POC1B: variants seen among roughly 807,000 people sequenced by gnomAD.
The protein encoded by POC1B is POC1 centriolar protein homolog B.
Under a neutral mutation model 60.6 loss-of-function variants are expected in POC1B, and 44 were observed. That is an observed-to-expected ratio of 0.73 (90% CI 0.57 to 0.93). The LOEUF (loss-of-function observed/expected upper bound fraction) is 0.93, where lower values mean the gene tolerates loss of function less well. POC1B is among the 40% of genes least tolerant of loss of function. POC1B has a pLI of 0.00. For synonymous variants in POC1B, 180 were observed against 198.9 expected (o/e 0.90, Z 0.80); for missense variants, 555 against 572.3 (o/e 0.97, Z 0.31).
At chr12:89,414,659 T>C in the POC1B span, among the ~76,000 whole-genome samples, 3 of 152,254 alleles carry the variant, frequency 2.0e-5, no homozygotes, top group Non-Finnish European at 4.4e-5. Flanking sequence ...ATCAATTATA[T>C]AATTTCACTT....
chr12:89,470,482 C>A lies in POC1B; in HGVS notation c.689G>T (p.Gly230Val). The A allele has an allele frequency of 6.2e-7, 1 of 1,604,982 alleles. No individual in the cohort carries two copies. The highest frequency in any genetic ancestry group is 8.5e-7 in the Non-Finnish European group (1 of 1,173,816). ...LLQHYQVHSG[G>V]VNCISFHPSG... Reference sequence around the variant, plus strand: ...AGGATGGAATGATATGCAATTAACTCCACCGCTGTGAACTGATTTGTAGAA... The same window carrying A: ...AGGATGGAATGATATGCAATTAACTACACCGCTGTGAACTGATTTGTAGAA... The change falls in exon 7 of 12, where the codon GGA becomes GTA. Residue 230 changes from glycine to valine, a missense_variant. By Grantham distance (109) the Gly-to-Val change is moderately radical. Transcript: ENST00000313546.
In POC1B at chr12:89,489,376, A is replaced by G. The variant is rs563759326; in HGVS notation, c.452+2560T>C. Reference sequence around the variant, plus strand: ...AGTAGTGGGGTTGGAATTTTAACCTACAAATTTAGGTCCAGGGTCCATGTT... The same window carrying G: ...AGTAGTGGGGTTGGAATTTTAACCTGCAAATTTAGGTCCAGGGTCCATGTT... On this transcript the variant is annotated intron_variant, in intron 4 of 11. Transcript: ENST00000313546. 3.9e-5 allele frequency among the ~76,000 whole-genome samples: 6 copies of G among 152,324 alleles called. No homozygotes were observed. In the South Asian group the frequency reaches 1.2e-3, roughly 32 times the overall value.
At chr12:89,442,250 G>C (rs1357699218) in intron 10 of POC1B, among the ~76,000 whole-genome samples, 1 of 152,144 alleles carries the variant, frequency 6.6e-6, no homozygotes, top group Non-Finnish European at 1.5e-5. Context: ...AGGAAATACA[G>C]AGAACGCCAC....
At chr12:89,418,427 C>T (rs984769030), downstream of POC1B, among the ~76,000 whole-genome samples, 1 of 152,164 alleles carries the variant, frequency 6.6e-6, no homozygotes, top group Non-Finnish European at 1.5e-5. Context: ...GAGCCACGTG[C>T]TTTGACTCAG....
chr12:89,501,741 A>G (rs1198398509), intron 2 of POC1B: 1 of 924,732 alleles, frequency 1.1e-6, no homozygotes, highest in South Asian at 1.3e-5. Flanking sequence ...ATTCTTCAAT[A>G]AGAAATGAAT....
chr12:89,516,747 C>T (rs1260109948), intron 2 of POC1B, among the ~76,000 whole-genome samples: 3 of 152,190 alleles, frequency 2.0e-5, no homozygotes, highest in Non-Finnish European at 4.4e-5. Context: ...CCGGGCCACA[C>T]TCTCTCCAAA....
intron 2 of POC1B, among the ~76,000 whole-genome samples, chr12:89,499,681 A>G (rs1869447910): frequency 6.6e-6 from 1 of 152,210 alleles, no homozygotes; most frequent in African/African-American, 2.4e-5. Context: ...AAAAAATAAA[A>G]CAATTGTGGT....
At chr12:89,502,445 C>T (rs1300884921) in intron 2 of POC1B, 9 of 1,265,482 alleles carry the variant, frequency 7.1e-6, no homozygotes, top group Non-Finnish European at 9.2e-6. Context: ...AAAATATCGT[C>T]TAAAAGGAAG....
chr12:89,408,485 G>GT, the POC1B span, among the ~76,000 whole-genome samples: 2 of 147,688 alleles, frequency 1.4e-5, no homozygotes, highest in Non-Finnish European at 3.0e-5. Flanking sequence ...CCTGACTTCT[G>GT]GTTTTTTTTT....
At chr12:89,499,100 G>C (rs1869406397) in intron 2 of POC1B, among the ~76,000 whole-genome samples, 1 of 152,096 alleles carries the variant, frequency 6.6e-6, no homozygotes, top group African/African-American at 2.4e-5. Flanking sequence ...ATGACAAGGA[G>C]GTCAGCGTTT....
the POC1B span, among the ~76,000 whole-genome samples, chr12:89,404,721 T>C: frequency 6.6e-6 from 1 of 152,174 alleles, no homozygotes; most frequent in Non-Finnish European, 1.5e-5. Flanking sequence ...TCGAGAGTCT[T>C]GCCTGTATTT....
intron 1 of POC1B, chr12:89,525,455 C>T: frequency 7.4e-7 from 1 of 1,354,694 alleles, no homozygotes; most frequent in Non-Finnish European, 9.4e-7. Flanking sequence ...GAGTCCAGCG[C>T]ATCGCAGGAA....
intron 4 of POC1B, among the ~76,000 whole-genome samples, chr12:89,474,480 T>C (rs371917609): frequency 9.8e-5 from 15 of 152,314 alleles, no homozygotes; most frequent in African/African-American, 3.4e-4. Flanking sequence ...CCTACCCACA[T>C]TCCTTGAGCA....
intron 2 of POC1B, chr12:89,520,684 T>C (rs915214259): frequency 3.3e-5 from 5 of 152,302 alleles, no homozygotes; most frequent in African/African-American, 1.2e-4. Context: ...TTTGAAATGG[T>C]TATCCTAAAG....
intron 2 of POC1B, chr12:89,500,985 G>A (rs1043151350): frequency 1.1e-6 from 1 of 914,056 alleles, no homozygotes; most frequent in East Asian, 2.5e-5. Flanking sequence ...TCCTCCCGAT[G>A]ATATGAAGTT....
chr12:89,439,146 G>A (rs758608564), intron 10 of POC1B, among the ~76,000 whole-genome samples: 3 of 152,092 alleles, frequency 2.0e-5, no homozygotes, highest in Non-Finnish European at 4.4e-5. Flanking sequence ...TCTTTTAACT[G>A]GTTTCCATGT....
At chr12:89,404,092 A>G in the POC1B span, among the ~76,000 whole-genome samples, 25 of 151,936 alleles carry the variant, frequency 1.6e-4, 1 homozygote, top group African/African-American at 4.6e-4. Context: ...AGATCGCGCC[A>G]TTGTATTCCA....
downstream of POC1B, among the ~76,000 whole-genome samples, chr12:89,418,580 A>T (rs183531884): frequency 3.9e-4 from 59 of 152,212 alleles, no homozygotes; most frequent in African/African-American, 1.3e-3. Context: ...ATGGGGCTTA[A>T]GGGGAGTTGT....
In POC1B at chr12:89,471,741, G is replaced by C. The variant is rs754347128; in HGVS notation, c.561-12C>G. ...CAAAATTTGCAAATCTAGGAGGAAA[G>C]AATAAGATGACCTAATATTTCAATT... On this transcript the variant is annotated splice_polypyrimidine_tract_variant and intron_variant, in intron 5 of 11. Coordinates refer to ENST00000313546, the MANE Select transcript of POC1B (RefSeq NM_172240.3). 25 of 1,276,074 alleles carry C rather than the reference G, an allele frequency of 2.0e-5. 1 individual carries two copies. The South Asian group carries it at 3.2e-4, about 16-fold the overall frequency. 79.0% of individuals were successfully genotyped at this position (1,276,074 alleles called of 1,614,324 possible).
Sources: gnomAD v4.1 joint callset for allele counts (sites outside exome capture counted in the v4.1 genomes callset) on GRCh38, gnomAD v4.1.1 for gene constraint, MANE v1.5 for transcripts, NCBI Gene and HGNC (gene_info 2026-07-23, HGNC 2026-07-21) for gene names.